Variants in NEGR1 observed in about 807,000 individuals in gnomAD.
NEGR1 encodes the protein neuronal growth regulator 1.
Under a neutral mutation model 40.9 loss-of-function variants are expected in NEGR1, and 10 were observed. The ratio of observed to expected loss-of-function variants is 0.24; its 90% CI spans 0.15 to 0.42. NEGR1 has a LOEUF of 0.42. Ranked by LOEUF, NEGR1 falls within the 10% of genes least tolerant of loss-of-function variation. NEGR1 has a pLI of 1.00. For synonymous variants in NEGR1, 185 were observed against 166.8 expected (o/e 1.11, Z -0.84); for missense variants, 352 against 438.9 (o/e 0.80, Z 1.77).
At chr1:72,097,307 TA>T (rs1648739864) in intron 1 of NEGR1, among the ~76,000 whole-genome samples, 2 of 152,136 alleles carry the variant, frequency 1.3e-5, no homozygotes, top group Admixed American at 1.3e-4. Flanking sequence ...ATTAGTTGAG[TA>T]ATATATGAAA....
chr1:71,999,593 C>A (rs1471063892), intron 1 of NEGR1, among the ~76,000 whole-genome samples: 1 of 134,744 alleles, frequency 7.4e-6, no homozygotes, highest in East Asian at 2.0e-4. Context: ...TTCCTTCTCA[C>A]TCCCAAAATT....
At position 71,715,348 on chromosome 1, in the gene NEGR1, C is replaced by A. The variant is rs566371190; in HGVS notation, c.536-17209G>T. Among the ~76,000 whole-genome samples the A allele has an allele frequency of 2.0e-5, 3 of 152,310 alleles. No homozygotes were observed. In the South Asian group the frequency reaches 6.2e-4, roughly 32 times the overall value. Reference sequence around the variant, plus strand: ...TCTGACATGCCCTGGAGACGTTTTCCTCATTGTCTTGGCAATTAACATTTG... The same window carrying A: ...TCTGACATGCCCTGGAGACGTTTTCATCATTGTCTTGGCAATTAACATTTG... On this transcript the variant is annotated intron_variant, in intron 3 of 6. Coordinates refer to ENST00000357731, the MANE Select transcript of NEGR1 (RefSeq NM_173808.3).
intron 1 of NEGR1, among the ~76,000 whole-genome samples, chr1:72,004,423 G>A (rs757617532): frequency 1.3e-5 from 2 of 152,028 alleles, no homozygotes; most frequent in Non-Finnish European, 2.9e-5. Context: ...AGCCTCCTGA[G>A]TATCTGGGAT....
intron 3 of NEGR1, among the ~76,000 whole-genome samples, chr1:71,773,560 T>C (rs1269717461): frequency 6.6e-6 from 1 of 152,196 alleles, no homozygotes; most frequent in Non-Finnish European, 1.5e-5. Flanking sequence ...TTATCGGACA[T>C]GTTCCTTAAA....
chr1:71,678,140 A>T (rs1247142883), intron 4 of NEGR1, among the ~76,000 whole-genome samples: 1 of 152,166 alleles, frequency 6.6e-6, no homozygotes, highest in African/African-American at 2.4e-5. Flanking sequence ...AAAACAATGT[A>T]TGTAAACAAA....
intron 5 of NEGR1, among the ~76,000 whole-genome samples, chr1:71,596,133 A>G (rs1855647): frequency 0.28 from 42,945 of 151,298 alleles, 7,259 homozygotes; most frequent in East Asian, 0.59. Context: ...TCAGTACTAT[A>G]TGGTGCCTAC....
intron 2 of NEGR1, among the ~76,000 whole-genome samples, chr1:71,850,527 A>G (rs1659569487): frequency 6.6e-6 from 1 of 152,106 alleles, no homozygotes; most frequent in South Asian, 2.1e-4. Context: ...CTTTTGGAAC[A>G]TTTTATGCTT....
At chr1:71,512,981 T>A (rs1647086849) in intron 6 of NEGR1, among the ~76,000 whole-genome samples, 2 of 152,182 alleles carry the variant, frequency 1.3e-5, no homozygotes, top group African/African-American at 4.8e-5. Flanking sequence ...ACTAACAGTT[T>A]TACTATACAT....
intron 2 of NEGR1, among the ~76,000 whole-genome samples, chr1:71,901,021 T>A (rs1377818070): frequency 6.6e-6 from 1 of 152,228 alleles, no homozygotes; most frequent in Non-Finnish European, 1.5e-5. Flanking sequence ...AGTAAATGAT[T>A]TGAACACAGA....
At chr1:71,934,943 C>T in intron 2 of NEGR1, 136 bp downstream of exon 2, 1 of 633,564 alleles carries the variant, frequency 1.6e-6, no homozygotes, top group East Asian at 2.7e-5. Context: ...AAAACTATGA[C>T]AATATAATTC....
chr1:72,207,907 T>C (rs1210534391), intron 1 of NEGR1, among the ~76,000 whole-genome samples: 1 of 151,812 alleles, frequency 6.6e-6, no homozygotes, highest in African/African-American at 2.4e-5. Context: ...ATTTGAACAG[T>C]CTGCTTCATA....
At chr1:71,605,203 A>G (rs1242189061) in intron 5 of NEGR1, among the ~76,000 whole-genome samples, 1 of 152,164 alleles carries the variant, frequency 6.6e-6, no homozygotes, top group Non-Finnish European at 1.5e-5. Flanking sequence ...TTTATTTTTA[A>G]TTGACCAATA....
At chr1:71,419,406 T>C (rs1646378587) in intron 6 of NEGR1, among the ~76,000 whole-genome samples, 1 of 152,240 alleles carries the variant, frequency 6.6e-6, no homozygotes, top group South Asian at 2.1e-4. Flanking sequence ...ATCTACTCTC[T>C]TTGCCACTAT....
At chr1:71,407,769 C>T (rs960389470) in intron 6 of NEGR1, 199 bp from the exon 7 acceptor site, 1 of 517,492 alleles carries the variant, frequency 1.9e-6, no homozygotes, top group African/African-American at 1.9e-5. Context: ...TTCTCAAGGG[C>T]AAAATGAAAA....
intron 1 of NEGR1, among the ~76,000 whole-genome samples, chr1:71,950,359 G>A (rs1461887211): frequency 2.0e-5 from 3 of 151,802 alleles, no homozygotes; most frequent in African/African-American, 7.3e-5. Flanking sequence ...TAAATGCATG[G>A]GAATTATAAA....
At chr1:71,451,519 A>G (rs893275326) in intron 6 of NEGR1, among the ~76,000 whole-genome samples, 4 of 151,976 alleles carry the variant, frequency 2.6e-5, no homozygotes, top group African/African-American at 9.7e-5. Context: ...TATTTTTAGT[A>G]GAGACAGGGT....
rs1444760002 is a variant in NEGR1, at chr1:71,560,443, ATATATG to A, written c.940+32368_940+32373del. ...GTAATTCTCCATTATATATATATATATATATGTATATATATATTTCCAATTAACCAT... is the reference window on the plus strand; with the variant it reads ...GTAATTCTCCATTATATATATATATATATATATATATTTCCAATTAACCAT... On this transcript the variant is annotated intron_variant, in intron 6 of 6. Coordinates refer to ENST00000357731, the MANE Select transcript of NEGR1 (RefSeq NM_173808.3). Among the ~76,000 whole-genome samples, 207 of 136,534 alleles carry A rather than the reference ATATATG, an allele frequency of 1.5e-3. 8 individuals carry two copies. The highest frequency in any genetic ancestry group is 4.5e-3 in the African/African-American group (169 of 37,708). 89.6% of individuals were successfully genotyped at this position (136,534 alleles called of 152,430 possible). A position where few individuals can be genotyped will look rare whatever the true frequency, so the allele number is the denominator to read the frequency against.
chr1:71,994,903 C>G lies in NEGR1; in HGVS notation c.177-59592G>C, dbSNP rs372770984. Among the ~76,000 whole-genome samples the G allele has an allele frequency of 7.8e-4, 115 of 147,940 alleles. 2 individuals carry two copies. The highest frequency in any genetic ancestry group is 3.0e-3 in the Admixed American group (44 of 14,480). On this transcript the variant is annotated intron_variant, in intron 1 of 6. Coordinates refer to ENST00000357731, the MANE Select transcript of NEGR1 (RefSeq NM_173808.3). ...TGTGTAGTAGCATCTGCAGCTGGCACTTAACATCAAACTTCCTGCCAGGCA... is the reference window on the plus strand; with the variant it reads ...TGTGTAGTAGCATCTGCAGCTGGCAGTTAACATCAAACTTCCTGCCAGGCA...
At chr1:71,590,298 T>C (rs1054269616) in intron 6 of NEGR1, among the ~76,000 whole-genome samples, 2 of 152,156 alleles carry the variant, frequency 1.3e-5, no homozygotes, top group African/African-American at 4.8e-5. Flanking sequence ...GTACCTTAGA[T>C]ATAATTCAGA....
Sources: allele counts gnomAD v4.1 joint callset (sites outside exome capture counted in the v4.1 genomes callset), GRCh38; gene constraint gnomAD v4.1.1; transcripts MANE v1.5; gene names NCBI Gene and HGNC (gene_info 2026-07-23, HGNC 2026-07-21).